Variants in EFCAB6 observed in about 807,000 individuals in gnomAD.
The protein encoded by EFCAB6 is EF-hand calcium-binding domain-containing protein 6.
Under a neutral mutation model 169.8 loss-of-function variants are expected in EFCAB6, and 156 were observed. The observed-to-expected ratio is 0.92, with a 90% CI of 0.81 to 1.05. The LOEUF (loss-of-function observed/expected upper bound fraction) is 1.05, where lower values mean the gene tolerates loss of function less well. Ranked by LOEUF, EFCAB6 falls within the 50% of genes least tolerant of loss-of-function variation. The pLI is 0.00. For synonymous variants in EFCAB6, 698 were observed against 676.4 expected, an observed-to-expected ratio of 1.03 and a Z score of -0.50; for missense variants, 1,800 against 1,829.1, an observed-to-expected ratio of 0.98 and a Z score of 0.29.
At position 43,626,694 on chromosome 22, in the gene EFCAB6, C is replaced by T. The variant is rs564307578; in HGVS notation, c.2233-15G>A. 7.9e-5 allele frequency: 128 copies of T among 1,613,694 alleles called. No homozygotes were observed. In the Middle Eastern group the frequency reaches 1.3e-3, roughly 17 times the overall value. ...GAGTAGGGGTCCTAAAAACAAAACA[C>T]ACACGTCAAAGCCCTTCCCCAAGAG... is the stretch of plus-strand genomic sequence containing the variant. On this transcript the variant is annotated splice_polypyrimidine_tract_variant and intron_variant, in intron 19 of 31. Transcript: ENST00000262726.
chr22:43,785,658 T>C (rs376744141), intron 2 of EFCAB6, among the ~76,000 whole-genome samples: 19 of 152,016 alleles, frequency 1.2e-4, no homozygotes, highest in East Asian at 5.8e-4. Context: ...ACAATAAAGA[T>C]TGGAGCAGAA....
chr22:43,711,544 T>A lies in EFCAB6; in HGVS notation c.962A>T (p.Tyr321Phe). Residue 321 changes from tyrosine (Y) to phenylalanine (F), a missense_variant, in exon 10 of 32, where the codon TAT becomes TTT. Transcript: ENST00000262726. ...PCKGGYVSFN[Y>F]LKIVLDTFVY... The stretch of plus-strand genomic sequence containing the variant: ...AAAAGTGTCGAGGACAATCTTTAGA[T>A]AATTAAAAGACACGTAGCCACCTTT... 6.2e-7 allele frequency: 1 copy of A among 1,605,520 alleles called. No individual in the cohort carries two copies. Among genetic ancestry groups the A allele is most frequent in the Non-Finnish European group, 8.5e-7 (1 of 1,178,136 alleles).
chr22:43,769,903 G>A (rs1311210916), intron 4 of EFCAB6, among the ~76,000 whole-genome samples: 2 of 151,440 alleles, frequency 1.3e-5, no homozygotes, highest in Admixed American at 6.6e-5. Flanking sequence ...TGCCCAGGCT[G>A]GAGTGCAGTG....
intron 23 of EFCAB6, among the ~76,000 whole-genome samples, chr22:43,593,029 T>A (rs2051683203): frequency 6.6e-6 from 1 of 151,922 alleles, no homozygotes; most frequent in Admixed American, 6.6e-5. Flanking sequence ...GACTCAAATC[T>A]GTCAATCTGA....
At position 43,528,874 on chromosome 22, in the gene EFCAB6, G is replaced by C. The variant is rs774472821; in HGVS notation, c.4485C>G (p.Phe1495Leu). 3.1e-6 allele frequency: 5 copies of C among 1,611,170 alleles called. No individual in the cohort carries two copies. The Admixed American group carries it at 8.3e-5, about 27-fold the overall frequency. ...TLSSKISYND[F>L]LRAFLQ ...GTGTCTACTGGAGGAATGCCCGGAG[G>C]AAGTCGTTGTAGGAGATTTTTGAAG... Residue 1495 changes from phenylalanine (F) to leucine (L), a missense_variant, in exon 32 of 32, where the codon TTC becomes TTG. Transcript: ENST00000262726.
intron 23 of EFCAB6, among the ~76,000 whole-genome samples, chr22:43,592,818 C>T (rs2051667504): frequency 6.6e-6 from 1 of 152,194 alleles, no homozygotes; most frequent in Non-Finnish European, 1.5e-5. Flanking sequence ...TTATGTGGCT[C>T]ATTTACTGTT....
At chr22:43,631,318 G>T (rs2147878446) in intron 19 of EFCAB6, among the ~76,000 whole-genome samples, 1 of 151,998 alleles carries the variant, frequency 6.6e-6, no homozygotes, top group Admixed American at 6.5e-5. Context: ...CACAAAAAGA[G>T]CTCAGATCAT....
intron 17 of EFCAB6, among the ~76,000 whole-genome samples, chr22:43,638,575 G>A (rs567420383): frequency 1.6e-4 from 25 of 152,254 alleles, no homozygotes; most frequent in Admixed American, 7.2e-4. Context: ...CTTTCTAAAC[G>A]CAACCCCTGC....
chr22:43,576,546 A>G, intron 25 of EFCAB6, 58 bp from the exon 26 acceptor site: 1 of 1,424,900 alleles, frequency 7.0e-7, no homozygotes, highest in South Asian at 1.5e-5. Flanking sequence ...TACTTCTAAA[A>G]CACTTTCCTT....
chr22:43,644,125 G>C (rs1272452327), intron 17 of EFCAB6, among the ~76,000 whole-genome samples: 1 of 152,066 alleles, frequency 6.6e-6, no homozygotes, highest in Non-Finnish European at 1.5e-5. Flanking sequence ...CGGGTTGACT[G>C]GGCTTGGCTC....
intron 26 of EFCAB6, among the ~76,000 whole-genome samples, chr22:43,559,076 G>C (rs900266296): frequency 6.6e-6 from 1 of 152,096 alleles, no homozygotes; most frequent in Non-Finnish European, 1.5e-5. Context: ...GAGTGAACAG[G>C]CAACCTACAG....
intron 12 of EFCAB6, among the ~76,000 whole-genome samples, chr22:43,682,161 G>A (rs2058031368): frequency 6.6e-6 from 1 of 152,124 alleles, no homozygotes; most frequent in Non-Finnish European, 1.5e-5. Context: ...GGATGGGAGG[G>A]GAGGGGAATC....
At position 43,572,376 on chromosome 22, in the gene EFCAB6, G is replaced by C. The variant is rs368921028; in HGVS notation, c.3420+3921C>G. Among the ~76,000 whole-genome samples the C allele has an allele frequency of 3.8e-4, 58 of 152,302 alleles. No homozygotes were observed. The highest frequency in any genetic ancestry group is 1.0e-3 in the African/African-American group (42 of 41,564). ...ATGAGGACACTCAGGCCTCGCTGAGGGGGGACAGCAGACATGGAGCTTCAA... is the reference window on the plus strand; with the variant it reads ...ATGAGGACACTCAGGCCTCGCTGAGCGGGGACAGCAGACATGGAGCTTCAA... On this transcript the variant is annotated intron_variant, in intron 26 of 31. Coordinates refer to ENST00000262726, the MANE Select transcript of EFCAB6 (RefSeq NM_022785.4). This position sits in a 1 kb window ranked among gnomAD's most constrained non-coding sequence, Gnocchi z 4.0.
intron 30 of EFCAB6, 38 bp from the exon 31 acceptor site, chr22:43,531,002 T>C: frequency 6.2e-7 from 1 of 1,612,498 alleles, no homozygotes. Context: ...AGGGAGCTTT[T>C]GAACACGAGG....
intron 8 of EFCAB6, among the ~76,000 whole-genome samples, chr22:43,720,444 C>T (rs1603276107): frequency 6.6e-6 from 1 of 151,912 alleles, no homozygotes; most frequent in Non-Finnish European, 1.5e-5. Context: ...CCCAGGAGTT[C>T]AAGGCTGCAG....
intron 3 of EFCAB6, among the ~76,000 whole-genome samples, chr22:43,781,087 T>C (rs2061807895): frequency 6.6e-6 from 1 of 152,210 alleles, no homozygotes; most frequent in Admixed American, 6.5e-5. Context: ...TTACAGTGCC[T>C]GTCACATATT....
intron 26 of EFCAB6, among the ~76,000 whole-genome samples, chr22:43,565,003 T>C (rs1180418421): frequency 1.3e-5 from 2 of 152,212 alleles, no homozygotes; most frequent in Non-Finnish European, 2.9e-5. Context: ...TCTGTGTGCA[T>C]GCCCTTTGCC....
intron 24 of EFCAB6, among the ~76,000 whole-genome samples, chr22:43,586,585 T>C (rs1377383032): frequency 6.6e-6 from 1 of 152,054 alleles, no homozygotes; most frequent in East Asian, 1.9e-4. Flanking sequence ...GGCAATTAGC[T>C]CAAGTTGTTT....
At chr22:43,721,034 T>G (rs1052843679) in intron 8 of EFCAB6, among the ~76,000 whole-genome samples, 2 of 152,168 alleles carry the variant, frequency 1.3e-5, no homozygotes, top group African/African-American at 4.8e-5. Flanking sequence ...AAGGTTTCAG[T>G]ACACAAAATC....
Sources: allele counts gnomAD v4.1 joint callset (sites outside exome capture counted in the v4.1 genomes callset), GRCh38; gene constraint gnomAD v4.1.1; non-coding constraint Gnocchi (gnomAD v3.1); transcripts MANE v1.5; gene names NCBI Gene and HGNC (gene_info 2026-07-23, HGNC 2026-07-21).